The following GUCY1A2 variants were observed in gnomAD, a reference collection of about 807,000 sequenced individuals.
GUCY1A2 encodes guanylate cyclase 1 soluble subunit alpha 2.
In GUCY1A2, 27 loss-of-function variants were observed where a neutral mutation model predicts 63.5. That is an observed-to-expected ratio of 0.43 (90% CI 0.31 to 0.59). The LOEUF (loss-of-function observed/expected upper bound fraction) is 0.59. GUCY1A2 is among the 20% of genes least tolerant of loss of function. The probability of loss-of-function intolerance (pLI) is 0.11; values close to 1 mark genes in which losing one functional copy is unlikely to be tolerated. For missense variants in GUCY1A2, 768 were observed against 913.3 expected (o/e 0.84, Z 2.05); for synonymous variants, 364 against 343.5 (o/e 1.06, Z -0.66).
At chr11:106,983,574 C>G (rs553068666) in intron 2 of GUCY1A2, among the ~76,000 whole-genome samples, 1 of 152,160 alleles carries the variant, frequency 6.6e-6, no homozygotes, top group South Asian at 2.1e-4. Flanking sequence ...ATAAATAAAA[C>G]AGATTAAGGG....
In GUCY1A2 at chr11:106,928,898, T is replaced by C. The variant is rs1293654740; in HGVS notation, c.1206+10562A>G. ...ATCAATGTGTAGTGTATGACTGTAC[T>C]TGGATTTTGATTATTTTCAGAAAAA... On this transcript the variant is annotated intron_variant, in intron 4 of 7. Transcript: ENST00000526355. 2.6e-5 allele frequency among the ~76,000 whole-genome samples: 4 copies of C among 152,316 alleles called. No individual in the cohort carries two copies. In the East Asian group the frequency reaches 7.7e-4, roughly 29 times the overall value.
At chr11:106,906,355 G>T (rs1031380290) in intron 4 of GUCY1A2, among the ~76,000 whole-genome samples, 1 of 152,092 alleles carries the variant, frequency 6.6e-6, no homozygotes, top group Non-Finnish European at 1.5e-5. Flanking sequence ...ATCATCACTG[G>T]TCATTAGAGC....
At chr11:106,946,984 C>T (rs1245869911) in intron 3 of GUCY1A2, among the ~76,000 whole-genome samples, 1 of 151,832 alleles carries the variant, frequency 6.6e-6, no homozygotes, top group East Asian at 1.9e-4. Context: ...TTTGGGAGGC[C>T]GAGGCGGGTG....
In GUCY1A2 at chr11:106,991,268, G is replaced by A. The variant is rs553381243; in HGVS notation, c.304-5137C>T. On this transcript the variant is annotated intron_variant, in intron 1 of 7. Transcript: ENST00000526355. The stretch of plus-strand genomic sequence containing the variant: ...CCACCTCAGCTTCTCAATGCGCTGG[G>A]ATTACAGGCGTGAGCCACTGTGCCT... Among the ~76,000 whole-genome samples the A allele has an allele frequency of 1.7e-4, 26 of 152,156 alleles. No individual in the cohort carries two copies. The South Asian group carries it at 5.2e-3, about 30-fold the overall frequency.
At chr11:106,866,427 G>A (rs150152604) in intron 4 of GUCY1A2, among the ~76,000 whole-genome samples, 8 of 152,090 alleles carry the variant, frequency 5.3e-5, no homozygotes, top group East Asian at 3.9e-4. Context: ...TGTGGACGTC[G>A]CTGCTGCTAT....
intron 2 of GUCY1A2, 44 bp downstream of exon 2, chr11:106,986,026 C>G: frequency 1.0e-6 from 1 of 961,308 alleles, no homozygotes; most frequent in Non-Finnish European, 1.7e-6. Flanking sequence ...GAGTAATTAC[C>G]TTTAATTTGT....
intron 4 of GUCY1A2, 134 bp from the exon 5 acceptor site, chr11:106,810,612 T>G (rs559837066): frequency 3.2e-4 from 200 of 629,888 alleles, no homozygotes; most frequent in Middle Eastern, 8.3e-4. Context: ...TATAAGCAAA[T>G]TTAAATCTGA....
At chr11:107,008,129 A>G (rs1412527716) in intron 1 of GUCY1A2, among the ~76,000 whole-genome samples, 1 of 149,492 alleles carries the variant, frequency 6.7e-6, no homozygotes, top group Non-Finnish European at 1.5e-5. Context: ...ACATACAAAA[A>G]TTAGCCAGGC....
At position 106,677,292 on chromosome 11, in the gene GUCY1A2, A is replaced by C. The variant is rs2135324258; in HGVS notation, c.*10257T>G. The C allele has an allele frequency of 4.6e-6, 1 of 218,022 alleles. No individual in the cohort carries two copies. Among genetic ancestry groups the C allele is most frequent in the East Asian group, 6.7e-5 (1 of 14,924 alleles). 13.5% of individuals were successfully genotyped at this position (218,022 alleles called of 1,614,324 possible). A position where few individuals can be genotyped will look rare whatever the true frequency, so the allele number is the denominator to read the frequency against. On this transcript the variant is annotated 3_prime_UTR_variant, in exon 8 of 8. Coordinates refer to ENST00000526355, the MANE Select transcript of GUCY1A2 (RefSeq NM_000855.3). ...AGCCTAATTAATTTACTGCACATAA[A>C]ACTTATGTATATAAACCATTCATTT... is the stretch of plus-strand genomic sequence containing the variant.
intron 3 of GUCY1A2, among the ~76,000 whole-genome samples, chr11:106,949,446 ATT>A (rs2120015909): frequency 6.6e-6 from 1 of 151,044 alleles, no homozygotes; most frequent in African/African-American, 2.4e-5. Context: ...GTTTTGTTTT[ATT>A]TTGTTTTTTA....
chr11:106,916,030 G>C (rs1860365516), intron 4 of GUCY1A2, among the ~76,000 whole-genome samples: 1 of 145,020 alleles, frequency 6.9e-6, no homozygotes, highest in Non-Finnish European at 1.5e-5. Context: ...GATACATAAA[G>C]GACATGATCA....
chr11:106,690,971 G>A (rs1862613194), intron 7 of GUCY1A2, among the ~76,000 whole-genome samples: 1 of 152,140 alleles, frequency 6.6e-6, no homozygotes, highest in African/African-American at 2.4e-5. Context: ...TTTCACAAAT[G>A]TCAATTTTCT....
intron 4 of GUCY1A2, among the ~76,000 whole-genome samples, chr11:106,852,240 A>C (rs1412348026): frequency 1.3e-5 from 2 of 151,944 alleles, no homozygotes; most frequent in African/African-American, 4.8e-5. Context: ...CTTATATACA[A>C]GATCATGTTG....
At chr11:106,860,237 A>G (rs1257648485) in intron 4 of GUCY1A2, among the ~76,000 whole-genome samples, 1 of 151,800 alleles carries the variant, frequency 6.6e-6, no homozygotes, top group Non-Finnish European at 1.5e-5. Flanking sequence ...ACCCAGACAT[A>G]AACATTTCTC....
At chr11:106,778,617 C>T (rs1012898622) in intron 5 of GUCY1A2, among the ~76,000 whole-genome samples, 3 of 151,766 alleles carry the variant, frequency 2.0e-5, no homozygotes, top group Admixed American at 6.6e-5. Flanking sequence ...GCGGAGATCA[C>T]GCCACTGCAC....
At chr11:106,789,601 G>C (rs1864623161) in intron 5 of GUCY1A2, among the ~76,000 whole-genome samples, 1 of 152,152 alleles carries the variant, frequency 6.6e-6, no homozygotes, top group Non-Finnish European at 1.5e-5. Context: ...AGTCTTCATA[G>C]TTTGGGCTTG....
intron 5 of GUCY1A2, among the ~76,000 whole-genome samples, chr11:106,795,531 T>C (rs1472311282): frequency 1.3e-5 from 2 of 152,176 alleles, no homozygotes; most frequent in Admixed American, 6.6e-5. Context: ...CTCCAACACA[T>C]GTGCACCTAT....
intron 4 of GUCY1A2, among the ~76,000 whole-genome samples, chr11:106,822,194 A>G (rs984808841): frequency 1.3e-5 from 2 of 152,126 alleles, no homozygotes; most frequent in Non-Finnish European, 2.9e-5. Flanking sequence ...ACTTAGTTTT[A>G]TTTATTTTGC....
intron 4 of GUCY1A2, among the ~76,000 whole-genome samples, chr11:106,885,728 T>G (rs779526235): frequency 6.6e-6 from 1 of 152,194 alleles, no homozygotes; most frequent in African/African-American, 2.4e-5. Flanking sequence ...AGATAACAAG[T>G]GTGAATGTAC....
Sources: allele counts gnomAD v4.1 joint callset (sites outside exome capture counted in the v4.1 genomes callset), GRCh38; gene constraint gnomAD v4.1.1; transcripts MANE v1.5; gene names NCBI Gene and HGNC (gene_info 2026-07-23, HGNC 2026-07-21).